The following ZNF547 variants were observed in gnomAD, a reference collection of about 807,000 sequenced individuals.
ZNF547 encodes the protein zinc finger protein 547.
A neutral mutation model predicts 7.7 loss-of-function variants in ZNF547; 4 were observed. The observed-to-expected ratio is 0.52, with a 90% CI of 0.26 to 1.20. The LOEUF (loss-of-function observed/expected upper bound fraction) is 1.20, where lower values mean the gene tolerates loss of function less well. Among genes scored for constraint, ZNF547 ranks in the 50% most tolerant of loss-of-function variants. ZNF547 has a pLI of 0.14. For synonymous variants in ZNF547, 166 were observed against 166.2 expected, an observed-to-expected ratio of 1.00 and a Z score of 0.01; for missense variants, 449 against 485.8, an observed-to-expected ratio of 0.92 and a Z score of 0.71.
intron 3 of ZNF547, among the ~76,000 whole-genome samples, chr19:57,374,984 C>T (rs1047189480): frequency 2.6e-5 from 4 of 152,122 alleles, no homozygotes; most frequent in African/African-American, 7.3e-5. Flanking sequence ...TCCACATTTT[C>T]GGGTATCCTT....
Position 57,379,417 on chromosome 19 carries a change from T to C in ZNF547, c.*1232T>C, listed in dbSNP as rs541084105. ...TTTGAGAACTGTCCTATCCCATTTT[T>C]ATAACAATGCAGAGCTTCTCTGTAA... On this transcript the variant is annotated 3_prime_UTR_variant, in exon 4 of 4. Transcript: ENST00000282282. 12 of 152,358 alleles carry C rather than the reference T, an allele frequency of 7.9e-5. No individual in the cohort carries two copies. The highest frequency in any genetic ancestry group is 7.8e-4 in the Admixed American group (12 of 15,290). 9.4% of individuals were successfully genotyped at this position (152,358 alleles called of 1,614,324 possible).
rs370554219 is a variant in ZNF547, at chr19:57,368,572, C to T, written c.17C>T (p.Pro6Leu). Residue 6 changes from proline to leucine, a missense_variant, in exon 2 of 4, where the codon CCT (proline) becomes CTT (leucine). Physicochemically the swap from Pro to Leu is moderately conservative, Grantham distance 98 (BLOSUM62 -3). Transcript: ENST00000282282. ...CCCCTGGCGATGGCAGAAATGAACC[C>T]TGCACAGGTGAGTGGAGTGTTTTCT... MAEMN[P>L]AQGHVVFEDV... The T allele has an allele frequency of 4.3e-6, 7 of 1,614,022 alleles. No individual in the cohort carries two copies. In the African/African-American group the frequency reaches 8.0e-5, roughly 18 times the overall value.
intron 2 of ZNF547, 151 bp downstream of exon 2, chr19:57,368,730 A>G (rs745559794): frequency 5.5e-4 from 407 of 738,482 alleles, no homozygotes; most frequent in Non-Finnish European, 7.1e-4. Flanking sequence ...CAGTTCTAGT[A>G]TCTTAAATTA....
At chr19:57,366,311 C>G (rs1050477602) in intron 1 of ZNF547, among the ~76,000 whole-genome samples, 4 of 151,950 alleles carry the variant, frequency 2.6e-5, no homozygotes, top group Admixed American at 2.6e-4. Flanking sequence ...GCCTCTGCCT[C>G]CCGGGTTCAA....
chr19:57,364,709 C>G (rs140995184), intron 1 of ZNF547: 13 of 832,484 alleles, frequency 1.6e-5, no homozygotes, highest in African/African-American at 1.4e-4. Flanking sequence ...CCATTGCACT[C>G]CAGCCTGGGC....
intron 1 of ZNF547, among the ~76,000 whole-genome samples, chr19:57,365,978 CTT>C (rs2088466601): frequency 6.6e-6 from 1 of 150,508 alleles, no homozygotes; most frequent in Non-Finnish European, 1.5e-5. Context: ...AATTCTCCTT[CTT>C]CAGCCTCCCA....
chr19:57,370,180 C>G (rs1374722974), intron 2 of ZNF547, among the ~76,000 whole-genome samples: 1 of 152,058 alleles, frequency 6.6e-6, no homozygotes, highest in Non-Finnish European at 1.5e-5. Context: ...CGTGAGCCAC[C>G]GCACCCAGCC....
At chr19:57,376,468 C>T (rs2123022723) in intron 3 of ZNF547, among the ~76,000 whole-genome samples, 1 of 152,226 alleles carries the variant, frequency 6.6e-6, no homozygotes, top group Admixed American at 6.5e-5. Flanking sequence ...GAAATTATTG[C>T]CAAACCAACT....
intron 2 of ZNF547, among the ~76,000 whole-genome samples, chr19:57,369,866 T>C (rs1454883113): frequency 1.4e-5 from 2 of 139,450 alleles, no homozygotes; most frequent in East Asian, 4.4e-4. Context: ...CTGGGTACTT[T>C]ATGAAGAAAA....
chr19:57,377,738 A>G lies in ZNF547; in HGVS notation c.762A>G (p.Thr254=). The G allele has an allele frequency of 6.2e-7, 1 of 1,613,852 alleles. No individual in the cohort carries two copies. The highest frequency in any genetic ancestry group is 1.1e-5 in the South Asian group (1 of 91,068). ...ECGKLFMWSS[T]LITHQRVHTG... ...GGAAATTGTTTATGTGGAGTTCCAC[A>G]CTCATTACACATCAGAGGGTTCACA... Residue 254 remains threonine (T), a synonymous_variant, in exon 4 of 4, where the codon ACA becomes ACG. Transcript: ENST00000282282.
At chr19:57,374,689 C>G (rs535331875) in intron 3 of ZNF547, among the ~76,000 whole-genome samples, 1 of 152,326 alleles carries the variant, frequency 6.6e-6, no homozygotes, top group African/African-American at 2.4e-5. Flanking sequence ...AATCATCTCT[C>G]TCAAGTTCAA....
intron 1 of ZNF547, chr19:57,364,934 A>G (rs1019808727): frequency 1.7e-5 from 28 of 1,612,980 alleles, no homozygotes; most frequent in Non-Finnish European, 2.1e-5. Flanking sequence ...AAAGACGACC[A>G]TCGTCATCTG....
intron 3 of ZNF547, among the ~76,000 whole-genome samples, chr19:57,375,277 G>C (rs375449057): frequency 3.4e-4 from 51 of 152,054 alleles, no homozygotes; most frequent in African/African-American, 1.1e-3. Context: ...TTGCACCCAG[G>C]GGGTGGAAGT....
At chr19:57,365,102 G>C (rs1274205688) in intron 1 of ZNF547, 18 of 1,609,136 alleles carry the variant, frequency 1.1e-5, no homozygotes, top group Non-Finnish European at 1.3e-5. Flanking sequence ...CATGACATAA[G>C]ACAAGAAGAT....
intron 3 of ZNF547, 122 bp downstream of exon 3, chr19:57,372,030 CAT>C (rs2088508299): frequency 3.5e-6 from 5 of 1,419,188 alleles, no homozygotes; most frequent in Non-Finnish European, 4.7e-6. Context: ...TGTTTCCTGA[CAT>C]ATGTTCCATG....
rs767250581 is a variant in ZNF547 at position 57,377,125 on chromosome 19, C to G, written c.152-3C>G. Reference sequence around the variant, plus strand: ...CACCTCACCAGCATTTTTATTCTTACAGGTTGTTGCCATGGAGCTGAGGAT... The same window carrying G: ...CACCTCACCAGCATTTTTATTCTTAGAGGTTGTTGCCATGGAGCTGAGGAT... On this transcript the variant is annotated splice_polypyrimidine_tract_variant and splice_region_variant and intron_variant, in intron 3 of 3. Transcript: ENST00000282282. 6.2e-6 allele frequency: 10 copies of G among 1,609,050 alleles called. No homozygotes were observed. Among genetic ancestry groups the G allele is most frequent in the South Asian group, 3.3e-5 (3 of 90,858 alleles).
In ZNF547 at chr19:57,377,611, A is replaced by T. The variant is rs370165269; in HGVS notation, c.635A>T (p.Tyr212Phe). 3.7e-5 allele frequency: 59 copies of T among 1,614,050 alleles called. No individual in the cohort carries two copies. The African/African-American group carries it at 6.1e-4, about 17-fold the overall frequency. Residue 212 changes from tyrosine (Y) to phenylalanine (F), a missense_variant, in exon 4 of 4, where the codon TAT becomes TTT. Transcript: ENST00000282282. ...AGAACTCACACTGGAGAAAGGCCTTATGAGTGCAATGAATGTGGGAAAGCC... is the reference window on the plus strand; with the variant it reads ...AGAACTCACACTGGAGAAAGGCCTTTTGAGTGCAATGAATGTGGGAAAGCC... ...HQRTHTGERP[Y>F]ECNECGKAFL...
chr19:57,364,781 A>T, intron 1 of ZNF547: 3 of 1,452,354 alleles, frequency 2.1e-6, no homozygotes, highest in Non-Finnish European at 2.8e-6. Context: ...GCGGAAACTG[A>T]CATTGCGTTT....
rs370478595 is a variant in ZNF547, at chr19:57,378,217, C to T, written c.*32C>T. The T allele has an allele frequency of 2.5e-5, 39 of 1,565,750 alleles. No individual in the cohort carries two copies. Among genetic ancestry groups the T allele is most frequent in the Non-Finnish European group, 3.2e-5 (37 of 1,150,940 alleles). On this transcript the variant is annotated 3_prime_UTR_variant, in exon 4 of 4. Transcript: ENST00000282282. The stretch of plus-strand genomic sequence containing the variant: ...TATGAATGCAGTGGATATGGGAAAG[C>T]CTTCAGTCACCAACATATTGTGGCT...
Sources: allele counts gnomAD v4.1 joint callset (sites outside exome capture counted in the v4.1 genomes callset), GRCh38; gene constraint gnomAD v4.1.1; transcripts MANE v1.5; gene names NCBI Gene and HGNC (gene_info 2026-07-23, HGNC 2026-07-21).